The following DOCK3 variants were observed in gnomAD, a reference collection of about 807,000 sequenced individuals.
DOCK3 encodes the protein dedicator of cytokinesis protein 3.
A neutral mutation model predicts 265.6 loss-of-function variants in DOCK3; 60 were observed. The ratio of observed to expected loss-of-function variants is 0.23; its 90% CI spans 0.18 to 0.28. The LOEUF is 0.28. Ranked by LOEUF, DOCK3 falls within the 10% of genes least tolerant of loss-of-function variation. The pLI is 1.00. For synonymous variants in DOCK3, 881 were observed against 938.0 expected (o/e 0.94, Z 1.11); for missense variants, 1,981 against 2,594.3 (o/e 0.76, Z 5.14).
chr3:50,769,523 A>C (rs556650487), intron 1 of DOCK3, among the ~76,000 whole-genome samples: 1 of 152,226 alleles, frequency 6.6e-6, no homozygotes, highest in South Asian at 2.1e-4. Context: ...CAGTACTAGA[A>C]GTCTTGGTCG....
chr3:51,016,073 ATATAT>A lies in DOCK3; in HGVS notation c.316-48374_316-48370del, dbSNP rs2079198692. ...TATATATCATATATTTCTACATAAT[ATATAT>A]CATATATTTCTACATATGATATATA... On this transcript the variant is annotated intron_variant, in intron 5 of 52. Coordinates refer to ENST00000266037, the MANE Select transcript of DOCK3 (RefSeq NM_004947.5). Among the ~76,000 whole-genome samples, 2 of 16,402 alleles carry A rather than the reference ATATAT, an allele frequency of 1.2e-4. 1 individual carries two copies. The highest frequency in any genetic ancestry group is 3.7e-3 in the East Asian group (2 of 538). 10.8% of individuals were successfully genotyped at this position (16,402 alleles called of 152,430 possible).
At position 51,217,684 on chromosome 3, in the gene DOCK3, C is replaced by T. The variant is rs560236848; in HGVS notation, c.1252+3437C>T. ...TTTTTTTTAAGAAGATGGGCAGGCA[C>T]GACAAACAGGCCAGGTGTTCCAGGT... is the stretch of plus-strand genomic sequence containing the variant. On this transcript the variant is annotated intron_variant, in intron 14 of 52. Transcript: ENST00000266037. 1.2e-4 allele frequency among the ~76,000 whole-genome samples: 19 copies of T among 152,200 alleles called. No individual in the cohort carries two copies. The South Asian group carries it at 1.5e-3, about 12-fold the overall frequency.
chr3:51,344,383 G>C (rs2085427221), intron 38 of DOCK3, among the ~76,000 whole-genome samples: 1 of 152,226 alleles, frequency 6.6e-6, no homozygotes. Flanking sequence ...CACTTCGGGA[G>C]GCCAAGGTGG....
At chr3:50,765,284 A>G (rs2040805744) in intron 1 of DOCK3, among the ~76,000 whole-genome samples, 1 of 151,700 alleles carries the variant, frequency 6.6e-6, no homozygotes, top group African/African-American at 2.4e-5. Context: ...GGGTTTTACC[A>G]TGTTGGCCAG....
chr3:50,889,913 G>GT, intron 3 of DOCK3, 113 bp from the exon 4 acceptor site: 1 of 797,200 alleles, frequency 1.3e-6, no homozygotes, highest in East Asian at 3.4e-5. Flanking sequence ...AGTGGTTGCT[G>GT]TAGCAGGAGA....
chr3:51,006,252 C>CT (rs11435468), intron 5 of DOCK3, among the ~76,000 whole-genome samples: 137,689 of 144,012 alleles, frequency 0.96, 65,953 homozygotes, highest in South Asian at 0.99. Context: ...CCCAATCCTG[C>CT]TTTTTTTTTT....
intron 47 of DOCK3, 57 bp downstream of exon 47, chr3:51,360,689 G>A (rs2086669499): frequency 6.2e-7 from 1 of 1,606,702 alleles, no homozygotes; most frequent in African/African-American, 1.3e-5. Context: ...AAATTGTCAA[G>A]GGTCAGAGGA....
At chr3:50,715,240 G>C (rs772919813) in intron 1 of DOCK3, among the ~76,000 whole-genome samples, 1 of 152,178 alleles carries the variant, frequency 6.6e-6, no homozygotes, top group Non-Finnish European at 1.5e-5. Flanking sequence ...AAATGCATGA[G>C]TTGGGGCTTG....
intron 21 of DOCK3, among the ~76,000 whole-genome samples, chr3:51,242,870 A>G (rs933442478): frequency 6.6e-6 from 1 of 152,134 alleles, no homozygotes; most frequent in African/African-American, 2.4e-5. Context: ...CATTGTGGAG[A>G]GTTGCAGTGG....
intron 32 of DOCK3, among the ~76,000 whole-genome samples, chr3:51,322,348 G>A (rs1576796588): frequency 6.6e-6 from 1 of 152,086 alleles, no homozygotes; most frequent in Non-Finnish European, 1.5e-5. Flanking sequence ...GACTACAGGT[G>A]CCTGCCACTA....
At chr3:50,701,422 C>G (rs752600280) in intron 1 of DOCK3, among the ~76,000 whole-genome samples, 5 of 152,130 alleles carry the variant, frequency 3.3e-5, no homozygotes, top group Non-Finnish European at 7.4e-5. Context: ...GCCCAGCTTG[C>G]TGCCTACTTT....
intron 1 of DOCK3, among the ~76,000 whole-genome samples, chr3:50,768,431 C>G (rs1363137246): frequency 1.3e-5 from 2 of 152,160 alleles, no homozygotes; most frequent in Non-Finnish European, 2.9e-5. Flanking sequence ...CAATAAAATA[C>G]TGGCAAACCG....
chr3:51,115,261 A>T (rs2083685290), intron 9 of DOCK3, among the ~76,000 whole-genome samples: 1 of 152,184 alleles, frequency 6.6e-6, no homozygotes, highest in Non-Finnish European at 1.5e-5. Context: ...ACTCCCACCA[A>T]CAGTGCGAAA....
intron 5 of DOCK3, among the ~76,000 whole-genome samples, chr3:51,032,117 C>G (rs1489299307): frequency 1.6e-5 from 1 of 62,884 alleles, no homozygotes; most frequent in Non-Finnish European, 3.2e-5. Flanking sequence ...TACCTCCCTC[C>G]TCGTGTGTGT....
At chr3:50,806,708 G>A (rs1383955883) in intron 2 of DOCK3, among the ~76,000 whole-genome samples, 1 of 152,020 alleles carries the variant, frequency 6.6e-6, no homozygotes, top group East Asian at 1.9e-4. Flanking sequence ...ATCTGTGGGT[G>A]CTTGGCATAA....
At chr3:50,997,193 ACATT>A (rs1254731128) in intron 5 of DOCK3, among the ~76,000 whole-genome samples, 4 of 152,216 alleles carry the variant, frequency 2.6e-5, no homozygotes, top group Admixed American at 1.3e-4. Flanking sequence ...ACGTACAAAT[ACATT>A]TGTTTATTTA....
At chr3:51,178,578 G>A (rs2087104803) in intron 12 of DOCK3, among the ~76,000 whole-genome samples, 1 of 152,158 alleles carries the variant, frequency 6.6e-6, no homozygotes, top group Non-Finnish European at 1.5e-5. Flanking sequence ...GCCAGAGCTG[G>A]GGGACCTTGG....
At chr3:51,078,248 T>C (rs1015718153) in intron 7 of DOCK3, among the ~76,000 whole-genome samples, 2 of 152,132 alleles carry the variant, frequency 1.3e-5, no homozygotes, top group Admixed American at 1.3e-4. Context: ...AAAAGCAGAT[T>C]ACTGGAATAC....
intron 1 of DOCK3, among the ~76,000 whole-genome samples, chr3:50,767,168 G>A (rs1391085605): frequency 6.6e-6 from 1 of 152,116 alleles, no homozygotes; most frequent in Admixed American, 6.6e-5. Flanking sequence ...ATTGCTTTTG[G>A]TGTTTTAGAC....
Sources: gnomAD v4.1 joint callset for allele counts (sites outside exome capture counted in the v4.1 genomes callset) on GRCh38, gnomAD v4.1.1 for gene constraint, MANE v1.5 for transcripts, NCBI Gene and HGNC (gene_info 2026-07-23, HGNC 2026-07-21) for gene names.